COL21A1: variants seen among roughly 807,000 people sequenced by gnomAD.
The protein encoded by COL21A1 is collagen type XXI alpha 1 chain.
COL21A1 carries 149 observed loss-of-function variants against 137.9 expected under a neutral mutation model. That is an observed-to-expected ratio of 1.08 (90% confidence interval 0.95 to 1.24). The LOEUF (loss-of-function observed/expected upper bound fraction) is 1.24, where lower values mean the gene tolerates loss of function less well. Ranked by LOEUF, COL21A1 falls within the 50% of genes most tolerant of loss-of-function variation. The pLI, the probability that COL21A1 is intolerant of heterozygous loss-of-function variation, is 0.00. For missense variants in COL21A1, 1,167 were observed against 1,158.4 expected, an observed-to-expected ratio of 1.01 and a Z score of -0.11; for synonymous variants, 456 against 391.5, an observed-to-expected ratio of 1.16 and a Z score of -1.95.
intron 1 of COL21A1, among the ~76,000 whole-genome samples, chr6:56,380,329 T>C (rs2094006761): frequency 6.6e-6 from 1 of 152,222 alleles, no homozygotes; most frequent in African/African-American, 2.4e-5. Flanking sequence ...ACCGCTTTTC[T>C]TTATAAATTA....
intron 16 of COL21A1, among the ~76,000 whole-genome samples, chr6:56,118,529 A>C (rs928871432): frequency 6.6e-6 from 1 of 152,056 alleles, no homozygotes; most frequent in African/African-American, 2.4e-5. Flanking sequence ...AATCCTACTC[A>C]AACTATTCTG....
At chr6:56,137,941 T>A (rs1033084290) in intron 12 of COL21A1, among the ~76,000 whole-genome samples, 5 of 152,204 alleles carry the variant, frequency 3.3e-5, no homozygotes, top group Non-Finnish European at 7.4e-5. Context: ...GTCAGCACCA[T>A]GTGTACAGAA....
chr6:56,098,577 A>C (rs1435682272), intron 17 of COL21A1, among the ~76,000 whole-genome samples: 1 of 32,304 alleles, frequency 3.1e-5, no homozygotes, highest in Non-Finnish European at 4.8e-5. Flanking sequence ...ATATATATAA[A>C]TATATATAAA....
Position 56,057,515 on chromosome 6 carries a change from A to G in COL21A1, c.*142T>C. 1.3e-6 allele frequency: 1 copy of G among 761,618 alleles called. No homozygotes were observed. Among genetic ancestry groups the G allele is most frequent in the South Asian group, 1.7e-5 (1 of 60,580 alleles). 47.2% of individuals were successfully genotyped at this position (761,618 alleles called of 1,614,324 possible). Reference sequence around the variant, plus strand: ...AAAATCAGTATATGTGATCTTTTATATTTTTTTCCATAAGAAAAAAAAAAT... The same window carrying G: ...AAAATCAGTATATGTGATCTTTTATGTTTTTTTCCATAAGAAAAAAAAAAT... On this transcript the variant is annotated 3_prime_UTR_variant, in exon 30 of 30. Transcript: ENST00000244728.
At chr6:56,262,824 T>A (rs1038214029) in intron 1 of COL21A1, among the ~76,000 whole-genome samples, 1 of 152,106 alleles carries the variant, frequency 6.6e-6, no homozygotes, top group African/African-American at 2.4e-5. Context: ...TGTAGCAGCA[T>A]CAGCAGCCTG....
chr6:56,261,402 G>C (rs1763270759), intron 1 of COL21A1, among the ~76,000 whole-genome samples: 1 of 152,176 alleles, frequency 6.6e-6, no homozygotes, highest in Non-Finnish European at 1.5e-5. Context: ...AACCTCTATG[G>C]TTATGGTATT....
At chr6:56,203,403 C>T (rs1197094816) in intron 1 of COL21A1, among the ~76,000 whole-genome samples, 1 of 152,184 alleles carries the variant, frequency 6.6e-6, no homozygotes, top group Non-Finnish European at 1.5e-5. Context: ...CTCTTTGAGA[C>T]ATCAAGTGAT....
intron 10 of COL21A1, among the ~76,000 whole-genome samples, chr6:56,149,209 G>T (rs1253456872): frequency 6.6e-6 from 1 of 151,926 alleles, no homozygotes; most frequent in Non-Finnish European, 1.5e-5. Context: ...AATTCCCAGT[G>T]AAATCAAGAC....
intron 18 of COL21A1, among the ~76,000 whole-genome samples, chr6:56,076,212 T>C (rs1767222294): frequency 6.6e-6 from 1 of 151,414 alleles, no homozygotes; most frequent in South Asian, 2.1e-4. Context: ...GAAGCAGGAA[T>C]CTTCAATACC....
chr6:56,165,066 G>C (rs1776471035), intron 7 of COL21A1, among the ~76,000 whole-genome samples: 3 of 152,116 alleles, frequency 2.0e-5, no homozygotes, highest in Non-Finnish European at 4.4e-5. Context: ...AAGAAAATTA[G>C]AACACCAGAG....
At chr6:56,345,575 T>C (rs1290440108) in intron 1 of COL21A1, among the ~76,000 whole-genome samples, 1 of 152,184 alleles carries the variant, frequency 6.6e-6, no homozygotes, top group Admixed American at 6.6e-5. Context: ...GACAATGAAA[T>C]GAAGCAGCTT....
At chr6:56,371,359 A>C (rs970327425) in intron 1 of COL21A1, among the ~76,000 whole-genome samples, 1 of 152,194 alleles carries the variant, frequency 6.6e-6, no homozygotes, top group East Asian at 1.9e-4. Flanking sequence ...GCTCATCTAA[A>C]TGACAAGGAA....
At chr6:56,291,898 G>A (rs1764055375) in intron 1 of COL21A1, among the ~76,000 whole-genome samples, 2 of 152,104 alleles carry the variant, frequency 1.3e-5, no homozygotes, top group Admixed American at 6.5e-5. Context: ...TTTCAGGCCG[G>A]GTGTGGTGCC....
chr6:56,184,362 A>C (rs901114539), intron 1 of COL21A1, among the ~76,000 whole-genome samples: 1 of 152,232 alleles, frequency 6.6e-6, no homozygotes. Context: ...TAAACTGAGC[A>C]TTCAATCAGA....
Position 56,264,030 on chromosome 6 carries a change from T to G in COL21A1, c.-38-81374A>C, listed in dbSNP as rs147643476. ...AATATCTATAAACAATGAAATTATGTTCCTTTATAGGACAATTCCTCTGTT... is the reference window on the plus strand; with the variant it reads ...AATATCTATAAACAATGAAATTATGGTCCTTTATAGGACAATTCCTCTGTT... On this transcript the variant is annotated intron_variant, in intron 1 of 28. Transcript: ENST00000370819. Among the ~76,000 whole-genome samples, 1,160 of 152,246 alleles carry G rather than the reference T, an allele frequency of 7.6e-3. 9 individuals carry two copies. The highest frequency in any genetic ancestry group is 0.015 in the Admixed American group (235 of 15,278).
At chr6:56,206,739 C>G (rs868782514) in intron 1 of COL21A1, among the ~76,000 whole-genome samples, 8 of 121,978 alleles carry the variant, frequency 6.6e-5, no homozygotes, top group South Asian at 5.0e-4. Context: ...TATATATATT[C>G]TAATCAGCAC....
At chr6:56,334,273 G>A (rs6926105) in intron 1 of COL21A1, among the ~76,000 whole-genome samples, 102,734 of 151,858 alleles carry the variant, frequency 0.68, 35,085 homozygotes, top group East Asian at 0.9. Flanking sequence ...AACTGGGAAC[G>A]TAGAAACCCA....
At position 56,060,765 on chromosome 6, in the gene COL21A1, G is replaced by A. The variant is rs775517458; in HGVS notation, c.2383C>T (p.Gln795Ter). ...GREFSEQFIR[Q>*]VCTDVIRAQL... Reference sequence around the variant, plus strand: ...CCTCTTATTACATCTGTGCAAACTTGTCGAATAAATTGTTCTGAAAACTCT... The same window carrying A: ...CCTCTTATTACATCTGTGCAAACTTATCGAATAAATTGTTCTGAAAACTCT... The change falls in exon 27 of 30, where the codon CAA becomes TAA. Residue 795 changes from glutamine to a stop codon, truncating the protein, a stop_gained. Coordinates refer to ENST00000244728, the MANE Select transcript of COL21A1 (RefSeq NM_030820.4). LOFTEE classifies it high-confidence loss of function. The A allele has an allele frequency of 1.6e-5, 26 of 1,609,592 alleles. No homozygotes were observed. Among genetic ancestry groups the A allele is most frequent in the Non-Finnish European group, 2.0e-5 (24 of 1,178,830 alleles).
At chr6:56,198,560 G>C (rs1213483436) in intron 1 of COL21A1, among the ~76,000 whole-genome samples, 1 of 151,826 alleles carries the variant, frequency 6.6e-6, no homozygotes, top group Non-Finnish European at 1.5e-5. Flanking sequence ...ATTAAAATGA[G>C]AAAAAAAGAA....
Sources: gnomAD v4.1 joint callset for allele counts (sites outside exome capture counted in the v4.1 genomes callset) on GRCh38, gnomAD v4.1.1 for gene constraint, MANE v1.5 for transcripts, NCBI Gene and HGNC (gene_info 2026-07-23, HGNC 2026-07-21) for gene names.